The following PTPRM variants were observed in gnomAD, a reference collection of about 807,000 sequenced individuals.
The protein encoded by PTPRM is receptor-type tyrosine-protein phosphatase mu.
In PTPRM, 47 loss-of-function variants were observed where a neutral mutation model predicts 186.7. The ratio of observed to expected loss-of-function variants is 0.25; its 90% CI spans 0.20 to 0.32. The LOEUF (loss-of-function observed/expected upper bound fraction) is 0.32, where lower values mean the gene tolerates loss of function less well. PTPRM is among the 10% of genes least tolerant of loss of function. PTPRM has a pLI of 1.00. For missense variants in PTPRM, 1,494 were observed against 1,865.0 expected, an observed-to-expected ratio of 0.80 and a Z score of 3.66; for synonymous variants, 668 against 674.9, an observed-to-expected ratio of 0.99 and a Z score of 0.16.
At chr18:7,689,062 T>C (rs2039674867) in intron 1 of PTPRM, among the ~76,000 whole-genome samples, 1 of 152,188 alleles carries the variant, frequency 6.6e-6, no homozygotes, top group South Asian at 2.1e-4. Flanking sequence ...ATATGGCATG[T>C]CCTGTTCTTA....
chr18:8,028,864 T>C (rs2085750281), intron 7 of PTPRM, among the ~76,000 whole-genome samples: 1 of 152,226 alleles, frequency 6.6e-6, no homozygotes, highest in African/African-American at 2.4e-5. Flanking sequence ...CCTTCACCAC[T>C]GTGCCCTTTA....
chr18:7,941,051 G>T (rs2052139066), intron 5 of PTPRM, among the ~76,000 whole-genome samples: 1 of 152,176 alleles, frequency 6.6e-6, no homozygotes, highest in African/African-American at 2.4e-5. Context: ...CTAGTATCCT[G>T]TGGCCCAGAC....
At chr18:7,961,070 G>A (rs1037685239) in intron 7 of PTPRM, among the ~76,000 whole-genome samples, 1 of 152,128 alleles carries the variant, frequency 6.6e-6, no homozygotes, top group African/African-American at 2.4e-5. Context: ...CATGCAATAT[G>A]TAATAATCAC....
intron 8 of PTPRM, among the ~76,000 whole-genome samples, chr18:8,072,749 G>T (rs116016147): frequency 0.022 from 3,337 of 152,070 alleles, 130 homozygotes; most frequent in African/African-American, 0.076. Flanking sequence ...AATGTTAGTA[G>T]AATCCTATAC....
Position 7,642,724 on chromosome 18 carries a change from C to T in PTPRM, c.73+74833C>T, listed in dbSNP as rs1009533686. On this transcript the variant is annotated intron_variant, in intron 1 of 32. Coordinates refer to ENST00000580170, the MANE Select transcript of PTPRM (RefSeq NM_001105244.2). ...GTTATGTGGTCATTTGATGTGGTCGCGCTAACGTTTATTGTAAATACTGTG... is the reference window on the plus strand; with the variant it reads ...GTTATGTGGTCATTTGATGTGGTCGTGCTAACGTTTATTGTAAATACTGTG... 9.9e-5 allele frequency among the ~76,000 whole-genome samples: 15 copies of T among 151,580 alleles called. No individual in the cohort carries two copies. In the East Asian group the frequency reaches 1.4e-3, roughly 14 times the overall value.
chr18:7,804,751 T>C (rs1388745173), intron 2 of PTPRM, among the ~76,000 whole-genome samples: 1 of 152,234 alleles, frequency 6.6e-6, no homozygotes, highest in Non-Finnish European at 1.5e-5. Context: ...ATCATGCTTT[T>C]ATTTTAGATC....
intron 7 of PTPRM, among the ~76,000 whole-genome samples, chr18:7,960,450 CATATATAT>C (rs71354579): frequency 0.098 from 11,786 of 120,452 alleles, 572 homozygotes; most frequent in South Asian, 0.18. Flanking sequence ...ATATAGGCAA[CATATATAT>C]ATATATATAT....
chr18:8,094,596 CAA>C (rs1299174741), intron 11 of PTPRM, among the ~76,000 whole-genome samples: 1 of 151,700 alleles, frequency 6.6e-6, no homozygotes. Flanking sequence ...AAATTTAAAA[CAA>C]AATATAAATA....
At chr18:7,586,880 C>T (rs2036992989) in intron 1 of PTPRM, among the ~76,000 whole-genome samples, 3 of 152,064 alleles carry the variant, frequency 2.0e-5, no homozygotes, top group Non-Finnish European at 2.9e-5. Context: ...CAAAGGGATT[C>T]GATACCCTCC....
At chr18:8,142,183 A>G (rs2092781109) in intron 13 of PTPRM, among the ~76,000 whole-genome samples, 1 of 152,224 alleles carries the variant, frequency 6.6e-6, no homozygotes, top group Non-Finnish European at 1.5e-5. Flanking sequence ...CAGAAATAAA[A>G]TTGACCTGTA....
intron 14 of PTPRM, among the ~76,000 whole-genome samples, chr18:8,180,688 G>A (rs2192193): frequency 0.64 from 97,924 of 151,922 alleles, 32,265 homozygotes; most frequent in Middle Eastern, 0.75. Context: ...TTCCCTTACC[G>A]GTTCATTATT....
At chr18:7,718,401 A>G (rs1196210317) in intron 1 of PTPRM, among the ~76,000 whole-genome samples, 2 of 152,334 alleles carry the variant, frequency 1.3e-5, no homozygotes, top group East Asian at 3.9e-4. Context: ...CACCTTATTT[A>G]AAAATCAACT....
chr18:8,368,462 G>A (rs2095645341), intron 23 of PTPRM, among the ~76,000 whole-genome samples: 2 of 152,020 alleles, frequency 1.3e-5, no homozygotes, highest in Admixed American at 6.6e-5. Flanking sequence ...CCATAATGAG[G>A]GGGGAAAAGA....
intron 19 of PTPRM, among the ~76,000 whole-genome samples, chr18:8,276,290 G>A (rs772268085): frequency 1.1e-4 from 17 of 152,020 alleles, no homozygotes; most frequent in Non-Finnish European, 2.4e-4. Context: ...TGTTACAACT[G>A]GACTGCATCT....
chr18:7,753,370 G>A (rs976639982), intron 1 of PTPRM, among the ~76,000 whole-genome samples: 3 of 151,972 alleles, frequency 2.0e-5, no homozygotes, highest in African/African-American at 7.3e-5. Flanking sequence ...CATTTTAAGA[G>A]GAAGCAGCGT....
chr18:8,163,852 G>GTT (rs1555779670), intron 14 of PTPRM, among the ~76,000 whole-genome samples: 1 of 152,184 alleles, frequency 6.6e-6, no homozygotes, highest in Non-Finnish European at 1.5e-5. Flanking sequence ...ACAATTTTGA[G>GTT]TTCTCAAAAA....
At chr18:8,327,797 C>T (rs1203128503) in intron 22 of PTPRM, among the ~76,000 whole-genome samples, 4 of 152,316 alleles carry the variant, frequency 2.6e-5, no homozygotes, top group African/African-American at 9.6e-5. Flanking sequence ...TAGAGACAGT[C>T]CATCTTGTTA....
chr18:7,729,412 A>G (rs867606984), intron 1 of PTPRM, among the ~76,000 whole-genome samples: 2 of 152,262 alleles, frequency 1.3e-5, no homozygotes, highest in Middle Eastern at 3.4e-3. Context: ...AGATTATACA[A>G]TCATGCCTTA....
At chr18:7,915,660 C>A (rs2146665105) in intron 4 of PTPRM, among the ~76,000 whole-genome samples, 1 of 152,232 alleles carries the variant, frequency 6.6e-6, no homozygotes, top group East Asian at 1.9e-4. Context: ...TTTAAAAAAT[C>A]TCTATTTTAC....
Sources: allele counts gnomAD v4.1 joint callset (sites outside exome capture counted in the v4.1 genomes callset), GRCh38; gene constraint gnomAD v4.1.1; transcripts MANE v1.5; gene names NCBI Gene and HGNC (gene_info 2026-07-23, HGNC 2026-07-21).